Variants in ENOX1 observed in about 807,000 individuals in gnomAD.
The protein encoded by ENOX1 is ecto-NOX disulfide-thiol exchanger 1.
A neutral mutation model predicts 82.5 loss-of-function variants in ENOX1; 42 were observed. The ratio of observed to expected loss-of-function variants is 0.51; its 90% CI spans 0.40 to 0.66. The LOEUF is 0.66. Ranked by LOEUF, ENOX1 falls within the 30% of genes least tolerant of loss-of-function variation. ENOX1 has a pLI of 0.00. For synonymous variants in ENOX1, 271 were observed against 282.2 expected, an observed-to-expected ratio of 0.96 and a Z score of 0.40; for missense variants, 608 against 811.6, an observed-to-expected ratio of 0.75 and a Z score of 3.05.
rs1178556612 is a variant in ENOX1, at chr13:43,541,191, T to C, written c.-218-57039A>G. On this transcript the variant is annotated intron_variant, in intron 2 of 16. Coordinates refer to ENST00000690772, the MANE Select transcript of ENOX1 (RefSeq NM_001347969.2). ...TCCCTCTGTTTTTTTTTTTTTTTTT[T>C]TTTTTTTGCTAAAAATGATTTCAGG... 2.1e-5 allele frequency among the ~76,000 whole-genome samples: 3 copies of C among 140,554 alleles called. No individual in the cohort carries two copies. In the Admixed American group the frequency reaches 2.2e-4, roughly 10 times the overall value. The allele number at this position is 140,554 out of a possible 152,430, so 92.2% of individuals were successfully genotyped here. A position where few individuals can be genotyped will look rare whatever the true frequency, so the allele number is the denominator to read the frequency against.
intron 12 of ENOX1, among the ~76,000 whole-genome samples, chr13:43,285,506 TACTCCC>T (rs2045640263): frequency 6.6e-6 from 1 of 152,118 alleles, no homozygotes; most frequent in Non-Finnish European, 1.5e-5. Flanking sequence ...GGAAAACTGC[TACTCCC>T]ACCTATATTT....
chr13:43,218,249 CAAAGATGCA>C (rs1346982029), intron 16 of ENOX1, among the ~76,000 whole-genome samples: 1 of 152,140 alleles, frequency 6.6e-6, no homozygotes, highest in Non-Finnish European at 1.5e-5. Flanking sequence ...GGTTCTGCCA[CAAAGATGCA>C]AATAATACAG....
chr13:43,676,247 A>G lies in ENOX1; in HGVS notation c.-284-8703T>C, dbSNP rs184153689. On this transcript the variant is annotated intron_variant, in intron 1 of 16. Transcript: ENST00000690772. ...AAAGACAAAAACACTAGAACCAAAG[A>G]GTTCACAGGTCTGGTCTTTGTAACA... Among the ~76,000 whole-genome samples the G allele has an allele frequency of 2.1e-3, 325 of 152,302 alleles. 2 individuals are homozygous for G. The highest frequency in any genetic ancestry group is 0.017 in the Middle Eastern group (5 of 294).
chr13:43,311,877 G>C (rs1005170056), intron 11 of ENOX1, among the ~76,000 whole-genome samples: 7 of 152,158 alleles, frequency 4.6e-5, no homozygotes, highest in African/African-American at 1.7e-4. Flanking sequence ...AAGGATTAAG[G>C]GTAGAGAAAT....
At chr13:43,552,729 A>C (rs952491718) in intron 2 of ENOX1, among the ~76,000 whole-genome samples, 5 of 152,196 alleles carry the variant, frequency 3.3e-5, no homozygotes, top group African/African-American at 1.2e-4. Flanking sequence ...CTACCCAAAA[A>C]GAACTACCTA....
chr13:43,406,787 C>T (rs962436604), intron 5 of ENOX1, among the ~76,000 whole-genome samples: 10 of 152,054 alleles, frequency 6.6e-5, no homozygotes, highest in African/African-American at 2.4e-4. Context: ...GCCACCGCGC[C>T]CGGCCAAGTA....
intron 3 of ENOX1, among the ~76,000 whole-genome samples, chr13:43,432,793 C>CT (rs1168895792): frequency 6.6e-6 from 1 of 152,070 alleles, no homozygotes; most frequent in Non-Finnish European, 1.5e-5. Context: ...TACTTTCGCC[C>CT]TTTAAGTTTT....
In ENOX1 at chr13:43,222,380, T is replaced by TACACACACAC. The variant is rs35476412; in HGVS notation, c.1800+1663_1800+1672dup. On this transcript the variant is annotated intron_variant, in intron 16 of 16. Coordinates refer to ENST00000690772, the MANE Select transcript of ENOX1 (RefSeq NM_001347969.2). ...CCTGCCCATTCCCAGGAGATGATTTTACACACACACACACACACACACACG... is the reference window on the plus strand; with the variant it reads ...CCTGCCCATTCCCAGGAGATGATTTTACACACACACACACACACACACACACACACACACG... 3.5e-3 allele frequency among the ~76,000 whole-genome samples: 526 copies of TACACACACAC among 149,192 alleles called. 5 individuals are homozygous for TACACACACAC. Among genetic ancestry groups the TACACACACAC allele is most frequent in the African/African-American group, 0.013 (510 of 40,662 alleles).
chr13:43,288,691 T>C (rs1462951910), intron 12 of ENOX1, among the ~76,000 whole-genome samples: 1 of 152,158 alleles, frequency 6.6e-6, no homozygotes, highest in Non-Finnish European at 1.5e-5. Context: ...AACCAGATCA[T>C]TGTGTATGGG....
chr13:43,582,766 G>A (rs1415392818), intron 2 of ENOX1, among the ~76,000 whole-genome samples: 1 of 151,960 alleles, frequency 6.6e-6, no homozygotes, highest in Non-Finnish European at 1.5e-5. Context: ...GGAAGAGACG[G>A]GGTCTTGCTA....
At chr13:43,600,422 G>A (rs1594038388) in intron 2 of ENOX1, among the ~76,000 whole-genome samples, 1 of 152,206 alleles carries the variant, frequency 6.6e-6, no homozygotes, top group Admixed American at 6.5e-5. Context: ...TGGGGCAGTG[G>A]TAACCATGAG....
intron 14 of ENOX1, among the ~76,000 whole-genome samples, chr13:43,249,235 G>C (rs1285445867): frequency 6.6e-6 from 1 of 151,964 alleles, no homozygotes. Context: ...TTTATTTTTA[G>C]TTTTACTATA....
chr13:43,578,925 G>C (rs1410944), intron 2 of ENOX1, among the ~76,000 whole-genome samples: 5,207 of 152,026 alleles, frequency 0.034, 259 homozygotes, highest in African/African-American at 0.11. Context: ...AGTCTTACTA[G>C]ATTTAATAGG....
chr13:43,531,637 T>C (rs7490131), intron 2 of ENOX1, among the ~76,000 whole-genome samples: 73,213 of 136,254 alleles, frequency 0.54, 19,894 homozygotes, highest in East Asian at 0.8. Context: ...ATGTTTATTG[T>C]GGCACTATTC....
At chr13:43,524,434 A>G (rs1303296235) in intron 2 of ENOX1, among the ~76,000 whole-genome samples, 1 of 152,074 alleles carries the variant, frequency 6.6e-6, no homozygotes, top group Non-Finnish European at 1.5e-5. Flanking sequence ...CACTCTTGAC[A>G]TGTTTACTTC....
chr13:43,296,771 A>G (rs779414463), intron 12 of ENOX1, among the ~76,000 whole-genome samples: 1 of 152,134 alleles, frequency 6.6e-6, no homozygotes, highest in Non-Finnish European at 1.5e-5. Context: ...TGAATTTGCA[A>G]TAACCTAAAA....
rs192215757 is a variant in ENOX1, at chr13:43,445,419, G to A, written c.-74-32431C>T. On this transcript the variant is annotated intron_variant, in intron 3 of 16. Transcript: ENST00000690772. ...ATTACAGGTGTGAGCCACTGCCCCC[G>A]GCCCACTTTCTGGGTCTTATACATT... Among the ~76,000 whole-genome samples the A allele has an allele frequency of 7.9e-5, 12 of 152,188 alleles. No individual in the cohort carries two copies. In the East Asian group the frequency reaches 9.7e-4, roughly 12 times the overall value.
Position 43,385,198 on chromosome 13 carries a change from TTTATC to T in ENOX1, c.209-23751_209-23747del, listed in dbSNP as rs562044585. ...TAATTATCTATAAGCAGGAGAAAATTTTATCTTATAATATCAATAAATAACTCTTA... is the reference window on the plus strand; with the variant it reads ...TAATTATCTATAAGCAGGAGAAAATTTTATAATATCAATAAATAACTCTTA... On this transcript the variant is annotated intron_variant, in intron 5 of 16. Transcript: ENST00000690772. Among the ~76,000 whole-genome samples the T allele has an allele frequency of 1.2e-3, 182 of 152,172 alleles. No homozygotes were observed. The East Asian group carries it at 0.014, about 11-fold the overall frequency.
At chr13:43,572,572 T>A (rs1158604104) in intron 2 of ENOX1, among the ~76,000 whole-genome samples, 1 of 152,240 alleles carries the variant, frequency 6.6e-6, no homozygotes, top group Admixed American at 6.5e-5. Context: ...CAGACCAAAG[T>A]GGAAAAAGCA....
Sources: gnomAD v4.1 joint callset for allele counts (sites outside exome capture counted in the v4.1 genomes callset) on GRCh38, gnomAD v4.1.1 for gene constraint, MANE v1.5 for transcripts, NCBI Gene and HGNC (gene_info 2026-07-23, HGNC 2026-07-21) for gene names.